FRMPD1: variants seen among roughly 807,000 people sequenced by gnomAD.
FRMPD1 encodes the protein FERM and PDZ domain containing 1, also known as FERM and PDZ domain-containing protein 1.
Under a neutral mutation model 117.8 loss-of-function variants are expected in FRMPD1, and 76 were observed. That is an observed-to-expected ratio of 0.65 (90% CI 0.54 to 0.78). The LOEUF is 0.78. Among genes scored for constraint, FRMPD1 ranks in the 30% least tolerant of loss-of-function variants. The pLI is 0.00. For synonymous variants in FRMPD1, 783 were observed against 770.4 expected (o/e 1.02, Z -0.27); for missense variants, 1,786 against 1,964.5 (o/e 0.91, Z 1.72).
chr9:37,744,309 A>G (rs1361099498), intron 15 of FRMPD1, 80 bp from the exon 16 acceptor site: 6 of 1,044,352 alleles, frequency 5.7e-6, no homozygotes, highest in Non-Finnish European at 8.4e-6. Context: ...AAACCCAGGA[A>G]AGCCCAAGGC....
intron 1 of FRMPD1, among the ~76,000 whole-genome samples, chr9:37,652,510 T>C (rs1048167963): frequency 6.6e-6 from 1 of 152,358 alleles, no homozygotes; most frequent in Non-Finnish European, 1.5e-5. Context: ...AGTGATTTTA[T>C]GATTTTATTT....
At chr9:37,720,818 C>T (rs555137305) in intron 6 of FRMPD1, among the ~76,000 whole-genome samples, 15 of 152,020 alleles carry the variant, frequency 9.9e-5, no homozygotes, top group Middle Eastern at 3.4e-3. Context: ...ACCCGGGAGG[C>T]GGAGGTTGCA....
intron 1 of FRMPD1, among the ~76,000 whole-genome samples, chr9:37,658,331 G>A (rs1378579769): frequency 5.9e-5 from 9 of 152,158 alleles, no homozygotes; most frequent in East Asian, 3.9e-4. Context: ...GCACTTTGGC[G>A]TCAGAGAGAC....
intron 1 of FRMPD1, among the ~76,000 whole-genome samples, chr9:37,654,094 A>G (rs1196717651): frequency 3.3e-5 from 5 of 152,220 alleles, no homozygotes; most frequent in African/African-American, 1.2e-4. Context: ...GCTCTCTGCC[A>G]GAAAATTGTT....
chr9:37,667,045 G>A (rs1289376771), intron 1 of FRMPD1, among the ~76,000 whole-genome samples: 1 of 144,272 alleles, frequency 6.9e-6, no homozygotes, highest in East Asian at 2.1e-4. Context: ...TGGGAAAAGA[G>A]AGACAATTGA....
chr9:37,696,138 C>A (rs1454721548), intron 2 of FRMPD1, among the ~76,000 whole-genome samples: 4 of 140,718 alleles, frequency 2.8e-5, no homozygotes, highest in African/African-American at 1.0e-4. Flanking sequence ...GTTCAGTTGG[C>A]CTGGAAAGTT....
chr9:37,677,816 C>T (rs1212578010), intron 1 of FRMPD1, among the ~76,000 whole-genome samples: 1 of 152,204 alleles, frequency 6.6e-6, no homozygotes, highest in Non-Finnish European at 1.5e-5. Context: ...GCAACCTTTG[C>T]TCACATTGCT....
chr9:37,696,324 C>T (rs1822323304), intron 2 of FRMPD1, among the ~76,000 whole-genome samples: 1 of 151,840 alleles, frequency 6.6e-6, no homozygotes, highest in African/African-American at 2.4e-5. Flanking sequence ...ATTTATTTAC[C>T]TGTTCATTAT....
Position 37,692,756 on chromosome 9 carries a change from GTT to G in FRMPD1, c.101+16_101+17del, listed in dbSNP as rs761000273. ...CAGCTCGGCCCGGTAAGCCTCCTGA[GTT>G]TGCAGATTTCTGTCTATAAAGGTCT... On this transcript the variant is annotated intron_variant, in intron 2 of 15. Transcript: ENST00000377765. The G allele has an allele frequency of 1.9e-6, 3 of 1,590,648 alleles. No homozygotes were observed. In the African/African-American group the frequency reaches 4.0e-5, roughly 21 times the overall value.
chr9:37,648,033 C>T (rs537320359), upstream of FRMPD1, among the ~76,000 whole-genome samples: 6 of 152,248 alleles, frequency 3.9e-5, no homozygotes, highest in African/African-American at 7.2e-5. Context: ...TAATCCTCAC[C>T]GCATATAATG....
chr9:37,694,027 C>G (rs1563934963), intron 2 of FRMPD1, among the ~76,000 whole-genome samples: 1 of 152,186 alleles, frequency 6.6e-6, no homozygotes. Context: ...CCTAGACCTG[C>G]CTTCTGTGAG....
the FRMPD1 span, among the ~76,000 whole-genome samples, chr9:37,617,241 A>C: frequency 0.068 from 10,301 of 152,270 alleles, 1,139 homozygotes; most frequent in African/African-American, 0.23. Flanking sequence ...GACGACAAAC[A>C]TTCATATCTC....
At chr9:37,680,863 A>G (rs535271671) in intron 1 of FRMPD1, among the ~76,000 whole-genome samples, 1 of 152,150 alleles carries the variant, frequency 6.6e-6, no homozygotes, top group Non-Finnish European at 1.5e-5. Context: ...GGAAGGGAAG[A>G]TGGAGGAGGA....
At chr9:37,609,265 C>G in the FRMPD1 span, among the ~76,000 whole-genome samples, 1 of 151,242 alleles carries the variant, frequency 6.6e-6, no homozygotes, top group Non-Finnish European at 1.5e-5. Flanking sequence ...GCACTCCAGC[C>G]TGGGCAACAA....
At chr9:37,637,111 G>C in the FRMPD1 span, 4 of 1,597,136 alleles carry the variant, frequency 2.5e-6, no homozygotes, top group Middle Eastern at 1.7e-4. Flanking sequence ...CCGTGTCCCA[G>C]ATCTGAAGTT....
At chr9:37,697,841 G>A (rs1003890911) in intron 2 of FRMPD1, among the ~76,000 whole-genome samples, 1 of 152,206 alleles carries the variant, frequency 6.6e-6, no homozygotes, top group African/African-American at 2.4e-5. Flanking sequence ...CTTCGGCTGG[G>A]CGTGGTGGCT....
intron 1 of FRMPD1, among the ~76,000 whole-genome samples, chr9:37,677,695 A>T (rs1346269946): frequency 6.6e-6 from 1 of 152,210 alleles, no homozygotes; most frequent in African/African-American, 2.4e-5. Context: ...CTGTGAGTCC[A>T]GTAGTGCACT....
At chr9:37,723,771 T>A (rs1823497755) in intron 6 of FRMPD1, among the ~76,000 whole-genome samples, 1 of 151,728 alleles carries the variant, frequency 6.6e-6, no homozygotes, top group African/African-American at 2.4e-5. Flanking sequence ...GGCGGGTGGA[T>A]CACCTGAGGT....
At chr9:37,694,697 A>G (rs1822258988) in intron 2 of FRMPD1, among the ~76,000 whole-genome samples, 1 of 152,044 alleles carries the variant, frequency 6.6e-6, no homozygotes, top group South Asian at 2.1e-4. Flanking sequence ...CCACCATGCT[A>G]CTGTCTATCT....
Sources: gnomAD v4.1 joint callset for allele counts (sites outside exome capture counted in the v4.1 genomes callset) on GRCh38, gnomAD v4.1.1 for gene constraint, MANE v1.5 for transcripts, NCBI Gene and HGNC (gene_info 2026-07-23, HGNC 2026-07-21) for gene names.